SH3RF1: variants seen among roughly 807,000 people sequenced by gnomAD.
The protein encoded by SH3RF1 is E3 ubiquitin-protein ligase SH3RF1.
Under a neutral mutation model 74.0 loss-of-function variants are expected in SH3RF1, and 32 were observed. The ratio of observed to expected loss-of-function variants is 0.43; its 90% confidence interval spans 0.33 to 0.58. The LOEUF is 0.58. Among genes scored for constraint, SH3RF1 ranks in the 20% least tolerant of loss-of-function variants. The pLI is 0.05. For missense variants in SH3RF1, 954 were observed against 1,130.9 expected (o/e 0.84, Z 2.24); for synonymous variants, 396 against 439.6 (o/e 0.90, Z 1.24).
intron 2 of SH3RF1, among the ~76,000 whole-genome samples, chr4:169,246,165 T>G (rs1730992078): frequency 6.6e-6 from 1 of 152,244 alleles, no homozygotes; most frequent in South Asian, 2.1e-4. Flanking sequence ...TGCAAGGTGT[T>G]ACTTCGTCAA....
chr4:169,170,109 C>T (rs1326135323), intron 2 of SH3RF1, among the ~76,000 whole-genome samples: 3 of 151,442 alleles, frequency 2.0e-5, no homozygotes, highest in Admixed American at 2.0e-4. Context: ...ATACTGATCA[C>T]CAAAAATAAG....
At chr4:169,270,606 AG>A (rs1731432821) in intron 1 of SH3RF1, among the ~76,000 whole-genome samples, 1 of 152,194 alleles carries the variant, frequency 6.6e-6, no homozygotes, top group Non-Finnish European at 1.5e-5. Flanking sequence ...TCCGGGAAGC[AG>A]GGGGTGCTGG....
In SH3RF1 at chr4:169,116,452, G is replaced by A. The variant is rs748389835; in HGVS notation, c.1956C>T (p.Ala652=). The A allele has an allele frequency of 1.9e-6, 3 of 1,614,124 alleles. No homozygotes were observed. In the South Asian group the frequency reaches 3.3e-5, roughly 18 times the overall value. The change falls in exon 10 of 12, where the codon GCC becomes GCT. Residue 652 remains alanine, a synonymous_variant. Transcript: ENST00000284637. ...CTGCTGCACAGGCCAGAGGGGCACT[G>A]GCTCGACTGATACTGATGGCAGCAG... The part of the protein sequence containing the change: ...THTAAISISR[A]SAPLACAAAA...
intron 2 of SH3RF1, among the ~76,000 whole-genome samples, chr4:169,157,279 G>A (rs1734074784): frequency 6.6e-6 from 1 of 152,294 alleles, no homozygotes; most frequent in Admixed American, 6.5e-5. Context: ...ATACAGCAGT[G>A]AGTGAACAGT....
At chr4:169,202,881 A>G (rs1734934490) in intron 2 of SH3RF1, among the ~76,000 whole-genome samples, 3 of 152,190 alleles carry the variant, frequency 2.0e-5, no homozygotes, top group Admixed American at 2.0e-4. Flanking sequence ...AAAACTGGCA[A>G]TTGTGTGCTT....
chr4:169,181,967 A>C (rs1211855908), intron 2 of SH3RF1, among the ~76,000 whole-genome samples: 2 of 152,082 alleles, frequency 1.3e-5, no homozygotes, highest in Admixed American at 1.3e-4. Flanking sequence ...TGTCTCTCCC[A>C]CCGAAATGAA....
At chr4:169,144,264 T>C (rs1733835048) in intron 4 of SH3RF1, among the ~76,000 whole-genome samples, 2 of 152,250 alleles carry the variant, frequency 1.3e-5, no homozygotes, top group African/African-American at 4.8e-5. Context: ...ACCTTGGGTA[T>C]GCCTCCCATT....
intron 11 of SH3RF1, among the ~76,000 whole-genome samples, chr4:169,099,337 C>T (rs1732978745): frequency 1.3e-5 from 2 of 152,334 alleles, no homozygotes; most frequent in African/African-American, 4.8e-5. Flanking sequence ...AATCTTCCAG[C>T]CTCAGCCCCA....
Position 169,225,254 on chromosome 4 carries a change from G to A in SH3RF1, c.393+43566C>T, listed in dbSNP as rs114713200. Among the ~76,000 whole-genome samples the A allele has an allele frequency of 3.9e-3, 589 of 152,230 alleles. 2 individuals carry two copies. Among genetic ancestry groups the A allele is most frequent in the African/African-American group, 0.014 (571 of 41,522 alleles). On this transcript the variant is annotated intron_variant, in intron 2 of 11. Transcript: ENST00000284637. Reference sequence around the variant, plus strand: ...AAAGGAAGGTAGTATGACCTGCTTCGGCTTCAGACATATTAGGTTTGAATG... The same window carrying A: ...AAAGGAAGGTAGTATGACCTGCTTCAGCTTCAGACATATTAGGTTTGAATG...
In SH3RF1 at chr4:169,209,549, T is replaced by G. The variant is rs531109402; in HGVS notation, c.394-52870A>C. On this transcript the variant is annotated intron_variant, in intron 2 of 11. Transcript: ENST00000284637. ...GTGAGGACAGGGACCATATCTTGCTTGTAATTGCAGTATTTTCAGTATCAA... is the reference window on the plus strand; with the variant it reads ...GTGAGGACAGGGACCATATCTTGCTGGTAATTGCAGTATTTTCAGTATCAA... Among the ~76,000 whole-genome samples, 3 of 152,314 alleles carry G rather than the reference T, an allele frequency of 2.0e-5. No individual in the cohort carries two copies. In the South Asian group the frequency reaches 6.2e-4, roughly 32 times the overall value.
At chr4:169,261,599 C>T (rs1241802375) in intron 2 of SH3RF1, among the ~76,000 whole-genome samples, 1 of 145,702 alleles carries the variant, frequency 6.9e-6, no homozygotes, top group Non-Finnish European at 1.5e-5. Flanking sequence ...GAAGTGAGAC[C>T]ATCTCAAAAA....
At chr4:169,137,905 GTAAGA>G (rs1218676936) in intron 4 of SH3RF1, among the ~76,000 whole-genome samples, 19 of 152,182 alleles carry the variant, frequency 1.2e-4, no homozygotes, top group Admixed American at 1.2e-3. Flanking sequence ...TCTATAATTA[GTAAGA>G]TAAATCTTTA....
Position 169,094,290 on chromosome 4 carries a change from C to A in SH3RF1, c.*2229G>T, listed in dbSNP as rs564979060. The stretch of plus-strand genomic sequence containing the variant: ...TGAACATCAAATTTTAATCTTGAAA[C>A]CTTTTATCCAGTCCTCAAATTATTA... On this transcript the variant is annotated 3_prime_UTR_variant, in exon 12 of 12. Transcript: ENST00000284637. The A allele has an allele frequency of 1.7e-4, 26 of 152,058 alleles. No homozygotes were observed. The highest frequency in any genetic ancestry group is 5.8e-4 in the African/African-American group (24 of 41,496). The allele number at this position is 152,058 out of a possible 1,614,324, so 9.4% of individuals were successfully genotyped here.
intron 10 of SH3RF1, among the ~76,000 whole-genome samples, chr4:169,107,771 A>G (rs529859465): frequency 6.6e-6 from 1 of 152,342 alleles, no homozygotes; most frequent in South Asian, 2.1e-4. Context: ...CAGAGTTAAG[A>G]GCTAAACCAC....
At chr4:169,228,839 C>T (rs1730690765) in intron 2 of SH3RF1, among the ~76,000 whole-genome samples, 1 of 152,134 alleles carries the variant, frequency 6.6e-6, no homozygotes, top group Non-Finnish European at 1.5e-5. Context: ...TTTCCCTGCC[C>T]TAATTTGATA....
chr4:169,123,379 A>G (rs1203390669), intron 6 of SH3RF1, among the ~76,000 whole-genome samples: 2 of 152,218 alleles, frequency 1.3e-5, no homozygotes, highest in East Asian at 1.9e-4. Flanking sequence ...CGCTGTAACT[A>G]TTCGATGCAT....
intron 2 of SH3RF1, among the ~76,000 whole-genome samples, chr4:169,252,032 A>G (rs902828975): frequency 2.0e-5 from 3 of 152,200 alleles, no homozygotes; most frequent in African/African-American, 7.2e-5. Context: ...TGCCTACAAG[A>G]GCGAGGACTC....
At chr4:169,266,073 T>TA (rs1301475526) in intron 2 of SH3RF1, among the ~76,000 whole-genome samples, 1 of 152,058 alleles carries the variant, frequency 6.6e-6, no homozygotes, top group Non-Finnish European at 1.5e-5. Flanking sequence ...TACTTAGAGG[T>TA]AAAAAACTGA....
In SH3RF1 at chr4:169,098,536, C is replaced by T. The variant is rs376002464; in HGVS notation, c.2499-1849G>A. On this transcript the variant is annotated intron_variant, in intron 11 of 11. Coordinates refer to ENST00000284637, the MANE Select transcript of SH3RF1 (RefSeq NM_020870.4). ...CATCTCTGCAAAAGGTAAGTGGCTG[C>T]TTGAACAACCTGAGCTCCTTTGGCA... 2.6e-5 allele frequency among the ~76,000 whole-genome samples: 4 copies of T among 152,362 alleles called. No individual in the cohort carries two copies. In the East Asian group the frequency reaches 5.8e-4, roughly 22 times the overall value.
Sources: allele counts gnomAD v4.1 joint callset (sites outside exome capture counted in the v4.1 genomes callset), GRCh38; gene constraint gnomAD v4.1.1; transcripts MANE v1.5; gene names NCBI Gene and HGNC (gene_info 2026-07-23, HGNC 2026-07-21).